AGK: variants seen among roughly 807,000 people sequenced by gnomAD.
AGK encodes acylglycerol kinase, mitochondrial.
A neutral mutation model predicts 66.4 loss-of-function variants in AGK; 52 were observed. The observed-to-expected ratio is 0.78, with a 90% CI of 0.63 to 0.99. The LOEUF is 0.99. Ranked by LOEUF, AGK falls within the 50% of genes least tolerant of loss-of-function variation. The probability of loss-of-function intolerance (pLI) is 0.00; values close to 1 mark genes in which losing one functional copy is unlikely to be tolerated. For synonymous variants in AGK, 182 were observed against 181.1 expected, an observed-to-expected ratio of 1.00 and a Z score of -0.04; for missense variants, 451 against 506.6, an observed-to-expected ratio of 0.89 and a Z score of 1.05.
At chr7:141,580,891 CT>C (rs1227325349) in intron 2 of AGK, among the ~76,000 whole-genome samples, 1 of 151,884 alleles carries the variant, frequency 6.6e-6, no homozygotes, top group Non-Finnish European at 1.5e-5. Context: ...CTAAAGCTGT[CT>C]TCAAGGAATG....
Position 141,555,312 on chromosome 7 carries a change from G to A in AGK, c.-14-141G>A. 1.8e-6 allele frequency: 1 copy of A among 554,026 alleles called. No homozygotes were observed. Among genetic ancestry groups the A allele is most frequent in the Non-Finnish European group, 3.1e-6 (1 of 317,588 alleles). 34.3% of individuals were successfully genotyped at this position (554,026 alleles called of 1,614,324 possible). On this transcript the variant is annotated intron_variant, in intron 1 of 15. Coordinates refer to ENST00000649286, the MANE Select transcript of AGK (RefSeq NM_018238.4). The surrounding 1 kb of genome is among the most constrained non-coding windows in gnomAD (Gnocchi z 4.2). ...GAGAAGATGAGCTGAGGCCAGAGGA[G>A]AAGTGGTAAGGAGGAAGAGGAGTGA... is the stretch of plus-strand genomic sequence containing the variant.
In AGK at chr7:141,568,274, G is replaced by A. The variant is rs1171242585; in HGVS notation, c.101+12707G>A. ...CTACAAAAGAGGCCTGCCATACATG[G>A]TTAAAAGCAGCAAGCCGTGTCGGAA... On this transcript the variant is annotated intron_variant, in intron 2 of 15. Coordinates refer to ENST00000649286, the MANE Select transcript of AGK (RefSeq NM_018238.4). Among the ~76,000 whole-genome samples the A allele has an allele frequency of 2.0e-5, 3 of 152,214 alleles. 1 individual carries two copies. The highest frequency in any genetic ancestry group is 4.4e-5 in the Non-Finnish European group (3 of 68,040).
At chr7:141,586,403 A>T (rs1795995864) in intron 2 of AGK, among the ~76,000 whole-genome samples, 1 of 152,198 alleles carries the variant, frequency 6.6e-6, no homozygotes, top group Non-Finnish European at 1.5e-5. Context: ...TTTCTCCTGC[A>T]GGACAAAGCA....
intron 2 of AGK, among the ~76,000 whole-genome samples, chr7:141,585,781 G>A (rs1795982604): frequency 6.6e-6 from 1 of 152,160 alleles, no homozygotes; most frequent in Admixed American, 6.5e-5. Context: ...TTCTTTTCAA[G>A]CCTCAGGCAG....
intron 13 of AGK, among the ~76,000 whole-genome samples, chr7:141,642,783 A>G (rs1431262792): frequency 1.3e-5 from 2 of 152,232 alleles, no homozygotes; most frequent in Non-Finnish European, 2.9e-5. Context: ...GCACAGCCAT[A>G]TTCATTCACA....
At chr7:141,590,280 G>A (rs1453619616) in intron 2 of AGK, among the ~76,000 whole-genome samples, 1 of 152,180 alleles carries the variant, frequency 6.6e-6, no homozygotes, top group Non-Finnish European at 1.5e-5. Flanking sequence ...TTGGAGACCT[G>A]TCCTTCATAG....
intron 2 of AGK, among the ~76,000 whole-genome samples, chr7:141,558,989 A>G (rs941092593): frequency 6.6e-6 from 1 of 152,160 alleles, no homozygotes; most frequent in African/African-American, 2.4e-5. Context: ...GTTGGCCTGT[A>G]GGAGTTCTTT....
intron 6 of AGK, among the ~76,000 whole-genome samples, chr7:141,612,093 A>G (rs1450453600): frequency 6.6e-6 from 1 of 152,262 alleles, no homozygotes; most frequent in Non-Finnish European, 1.5e-5. Flanking sequence ...TTAGTAGGTG[A>G]ATGAATAAGT....
intron 13 of AGK, among the ~76,000 whole-genome samples, chr7:141,647,279 C>T (rs2117024362): frequency 6.6e-6 from 1 of 152,304 alleles, no homozygotes; most frequent in African/African-American, 2.4e-5. Context: ...TATTTCCCTC[C>T]TTAGAACCCT....
intron 2 of AGK, among the ~76,000 whole-genome samples, chr7:141,590,178 TGTCTTTTCAGCTAG>T (rs1171097630): frequency 6.6e-6 from 1 of 152,176 alleles, no homozygotes; most frequent in Non-Finnish European, 1.5e-5. Context: ...TCAGGGCTAT[TGTCTTTTCAGCTAG>T]GTCCATGGAA....
chr7:141,602,629 C>T (rs1587115266), intron 5 of AGK, among the ~76,000 whole-genome samples: 1 of 151,988 alleles, frequency 6.6e-6, no homozygotes, highest in Non-Finnish European at 1.5e-5. Context: ...TGCCAAGAAC[C>T]GTTTTTTGGC....
rs1281008543 is a variant in AGK, at chr7:141,641,917, G to T, written c.975+9G>T. ...ATCAGCTTGACCCGACAGTAAGTGT[G>T]CTTTTTTATTAGAAAAGCATTTGGT... On this transcript the variant is annotated intron_variant, in intron 13 of 15. Coordinates refer to ENST00000649286, the MANE Select transcript of AGK (RefSeq NM_018238.4). 6 of 1,567,054 alleles carry T rather than the reference G, an allele frequency of 3.8e-6. No homozygotes were observed. The highest frequency in any genetic ancestry group is 5.2e-6 in the Non-Finnish European group (6 of 1,154,224).
chr7:141,628,627 C>T (rs1055705563), intron 9 of AGK, among the ~76,000 whole-genome samples: 13 of 152,196 alleles, frequency 8.5e-5, no homozygotes, highest in Non-Finnish European at 1.2e-4. Flanking sequence ...TCTGTGTTCA[C>T]ATTTCACTTG....
At chr7:141,565,658 A>G (rs1795452493) in intron 2 of AGK, among the ~76,000 whole-genome samples, 1 of 151,912 alleles carries the variant, frequency 6.6e-6, no homozygotes, top group Non-Finnish European at 1.5e-5. Flanking sequence ...AAAAATTCCC[A>G]AACTAGGAAT....
At chr7:141,613,654 G>T (rs1470025540) in intron 6 of AGK, among the ~76,000 whole-genome samples, 1 of 152,164 alleles carries the variant, frequency 6.6e-6, no homozygotes, top group Non-Finnish European at 1.5e-5. Flanking sequence ...TGTTTATCTG[G>T]CATGGTGGAA....
chr7:141,580,017 C>A (rs1430651244), intron 2 of AGK, among the ~76,000 whole-genome samples: 2 of 151,934 alleles, frequency 1.3e-5, no homozygotes, highest in African/African-American at 2.4e-5. Flanking sequence ...CTTTTGACAG[C>A]CCTTGCAGTG....
intron 9 of AGK, among the ~76,000 whole-genome samples, chr7:141,623,293 C>A (rs1796863249): frequency 6.6e-6 from 1 of 150,616 alleles, no homozygotes. Flanking sequence ...GCAGGAGAAT[C>A]ACTTGAACCC....
At chr7:141,604,374 GTA>G (rs368893843) in intron 5 of AGK, among the ~76,000 whole-genome samples, 4,840 of 113,760 alleles carry the variant, frequency 0.043, 99 homozygotes, top group African/African-American at 0.059. Context: ...GTGTGTGTGT[GTA>G]TATATATATA....
At chr7:141,619,989 A>T (rs1313337534) in intron 8 of AGK, among the ~76,000 whole-genome samples, 1 of 152,240 alleles carries the variant, frequency 6.6e-6, no homozygotes, top group East Asian at 1.9e-4. Context: ...CATCCATACA[A>T]TGGAATATGG....
Sources: gnomAD v4.1 joint callset for allele counts (sites outside exome capture counted in the v4.1 genomes callset) on GRCh38, gnomAD v4.1.1 for gene constraint, Gnocchi (gnomAD v3.1) non-coding constraint, MANE v1.5 for transcripts, NCBI Gene and HGNC (gene_info 2026-07-23, HGNC 2026-07-21) for gene names.